The following CAPN14 variants were observed in gnomAD, a reference collection of about 807,000 sequenced individuals.
The protein encoded by CAPN14 is calpain-14.
In CAPN14, 94 loss-of-function variants were observed where a neutral mutation model predicts 101.3. The observed-to-expected ratio is 0.93, with a 90% CI of 0.79 to 1.10. The LOEUF is 1.10. Ranked by LOEUF, CAPN14 falls within the 50% of genes least tolerant of loss-of-function variation. The pLI is 0.00. For missense variants in CAPN14, 837 were observed against 828.4 expected (o/e 1.01, Z -0.13); for synonymous variants, 338 against 317.9 (o/e 1.06, Z -0.67).
rs1280681139 is a variant in CAPN14 at position 31,181,155 on chromosome 2, G to A, written c.1646-155C>T. ...GAGAATGGAAGACAGTAGAGAGACG[G>A]GGGGGTGACGGTCGTTCCTACCCAT... On this transcript the variant is annotated intron_variant, in intron 16 of 21. Transcript: ENST00000403897. 3.3e-5 allele frequency among the ~76,000 whole-genome samples: 5 copies of A among 152,300 alleles called. No individual in the cohort carries two copies. The South Asian group carries it at 8.3e-4, about 25-fold the overall frequency.
chr2:31,176,564 C>A, intron 21 of CAPN14, 23 bp downstream of exon 21: 1 of 1,549,002 alleles, frequency 6.5e-7, no homozygotes, highest in South Asian at 1.2e-5. Context: ...TGACATGAGC[C>A]ACCTCCTTGG....
In CAPN14 at chr2:31,200,357, C is replaced by T. The variant is rs116738384; in HGVS notation, c.726+94G>A. The T allele has an allele frequency of 2.1e-3, 2,433 of 1,174,808 alleles. 49 individuals are homozygous for T. The African/African-American group carries it at 0.034, about 16-fold the overall frequency. The allele number at this position is 1,174,808 out of a possible 1,614,324, so 72.8% of individuals were successfully genotyped here. On this transcript the variant is annotated intron_variant, in intron 6 of 21. Coordinates refer to ENST00000403897, the MANE Select transcript of CAPN14 (RefSeq NM_001145122.2). Reference sequence around the variant, plus strand: ...CTCAGCACTAGGAGCTGGGTGGAGGCCCTGAGCCCACACCCAGGTGAGGGT... The same window carrying T: ...CTCAGCACTAGGAGCTGGGTGGAGGTCCTGAGCCCACACCCAGGTGAGGGT...
intron 1 of CAPN14, among the ~76,000 whole-genome samples, chr2:31,213,766 A>G (rs999655197): frequency 2.5e-4 from 38 of 152,198 alleles, no homozygotes; most frequent in African/African-American, 8.0e-4. Flanking sequence ...TTCACATCTA[A>G]TCCCTTATTT....
chr2:31,180,991 C>T lies in CAPN14; in HGVS notation c.1655G>A (p.Ser552Asn), dbSNP rs372449814. The change falls in exon 17 of 22, where the codon AGC (serine) becomes AAC (asparagine). Residue 552 changes from serine to asparagine, a missense_variant. Coordinates refer to ENST00000403897, the MANE Select transcript of CAPN14 (RefSeq NM_001145122.2). ...LNQMTWSSLG[S>N]RQPFFSLEAC... ...TTCCAGGCTAAAGAAGGGCTGTCTG[C>T]TCCCCAGACCTGTGAAGGAGCGAAA... is the stretch of plus-strand genomic sequence containing the variant. 174 of 1,551,780 alleles carry T rather than the reference C, an allele frequency of 1.1e-4. No individual in the cohort carries two copies. The East Asian group carries it at 3.7e-3, about 33-fold the overall frequency.
chr2:31,194,774 T>A (rs962813483), intron 8 of CAPN14, among the ~76,000 whole-genome samples: 2 of 152,180 alleles, frequency 1.3e-5, no homozygotes, highest in Non-Finnish European at 2.9e-5. Flanking sequence ...TTGCTTGAAG[T>A]CAAATATCTA....
At chr2:31,208,171 A>T (rs1233919404) in intron 1 of CAPN14, among the ~76,000 whole-genome samples, 1 of 150,516 alleles carries the variant, frequency 6.6e-6, no homozygotes, top group African/African-American at 2.5e-5. Flanking sequence ...CCAAAAAAAA[A>T]CTCCAAAAAA....
At chr2:31,228,349 T>C (rs1347787256) in intron 1 of CAPN14, 1 of 152,186 alleles carries the variant, frequency 6.6e-6, no homozygotes, top group Admixed American at 6.5e-5. Context: ...CCCGATCTCA[T>C]CTGATCTTGG....
At chr2:31,202,333 C>A (rs1168559321) in intron 3 of CAPN14, 81 bp from the exon 4 acceptor site, 1 of 1,045,098 alleles carries the variant, frequency 9.6e-7, no homozygotes, top group South Asian at 1.4e-5. Flanking sequence ...CCAATGGCCA[C>A]CCTCTCTGGG....
In CAPN14 at chr2:31,174,550, C is replaced by A; in HGVS notation, c.*131G>T. On this transcript the variant is annotated 3_prime_UTR_variant, in exon 22 of 22. Transcript: ENST00000403897. Reference sequence around the variant, plus strand: ...GGCTGCAGAAGAGAAACCTTCCCAGCTGAGAAGGTGACGGCTAGTGAGGCT... The same window carrying A: ...GGCTGCAGAAGAGAAACCTTCCCAGATGAGAAGGTGACGGCTAGTGAGGCT... The A allele has an allele frequency of 1.1e-6, 1 of 917,294 alleles. No individual in the cohort carries two copies. The highest frequency in any genetic ancestry group is 1.7e-6 in the Non-Finnish European group (1 of 589,402). The allele number at this position is 917,294 out of a possible 1,614,324, so 56.8% of individuals were successfully genotyped here. A position where few individuals can be genotyped will look rare whatever the true frequency, so the allele number is the denominator to read the frequency against.
At chr2:31,200,760 T>C in intron 5 of CAPN14, 135 bp from the exon 6 acceptor site, 1 of 787,296 alleles carries the variant, frequency 1.3e-6, no homozygotes, top group Middle Eastern at 3.8e-4. Flanking sequence ...AACCCTGACA[T>C]AGTTTCCAAT....
At chr2:31,196,640 C>A (rs1681482072) in intron 8 of CAPN14, among the ~76,000 whole-genome samples, 1 of 152,176 alleles carries the variant, frequency 6.6e-6, no homozygotes, top group African/African-American at 2.4e-5. Flanking sequence ...TAGGACTTGA[C>A]CTCCCTTTCT....
At chr2:31,204,078 T>C (rs1214783559) in intron 2 of CAPN14, among the ~76,000 whole-genome samples, 1 of 152,212 alleles carries the variant, frequency 6.6e-6, no homozygotes, top group African/African-American at 2.4e-5. Flanking sequence ...GCAGATGGTA[T>C]TGGCTGTGAC....
intron 20 of CAPN14, 109 bp from the exon 21 acceptor site, chr2:31,176,751 G>C: frequency 9.6e-7 from 1 of 1,044,632 alleles, no homozygotes; most frequent in Non-Finnish European, 1.5e-6. Context: ...GAAAACGTGA[G>C]GGAACCCAGT....
chr2:31,227,313 A>G (rs1415543147), intron 1 of CAPN14, among the ~76,000 whole-genome samples: 1 of 152,222 alleles, frequency 6.6e-6, no homozygotes, highest in African/African-American at 2.4e-5. Context: ...AGACAGCCGC[A>G]TTCCAGCAAT....
At chr2:31,221,615 G>T (rs1284960773), upstream of CAPN14, among the ~76,000 whole-genome samples, 1 of 151,988 alleles carries the variant, frequency 6.6e-6, no homozygotes, top group African/African-American at 2.4e-5. Flanking sequence ...TTTCTTGGCA[G>T]AAAATGTATT....
chr2:31,181,884 G>C (rs901763262), intron 16 of CAPN14, among the ~76,000 whole-genome samples: 1 of 151,122 alleles, frequency 6.6e-6, no homozygotes, highest in Non-Finnish European at 1.5e-5. Flanking sequence ...AGTATTCCAT[G>C]GTGTATATGT....
chr2:31,227,702 C>T (rs1171795608), intron 1 of CAPN14, among the ~76,000 whole-genome samples: 3 of 152,180 alleles, frequency 2.0e-5, no homozygotes, highest in Admixed American at 6.5e-5. Flanking sequence ...GGTTTTAACT[C>T]GGCCTGATCT....
chr2:31,178,725 C>T (rs1481024358), intron 17 of CAPN14, 146 bp from the exon 18 acceptor site: 3 of 562,308 alleles, frequency 5.3e-6, no homozygotes, highest in Non-Finnish European at 6.2e-6. Context: ...GTTCGCCTCA[C>T]CTCACTGGCC....
At chr2:31,179,246 A>G (rs1166412493) in intron 17 of CAPN14, among the ~76,000 whole-genome samples, 1 of 151,636 alleles carries the variant, frequency 6.6e-6, no homozygotes, top group Admixed American at 6.6e-5. Flanking sequence ...GACAGGTCCC[A>G]GGGTGTGATG....
Sources: gnomAD v4.1 joint callset for allele counts (sites outside exome capture counted in the v4.1 genomes callset) on GRCh38, gnomAD v4.1.1 for gene constraint, MANE v1.5 for transcripts, NCBI Gene and HGNC (gene_info 2026-07-23, HGNC 2026-07-21) for gene names.